Variants in FRMD5 observed in about 807,000 individuals in gnomAD.
FRMD5 encodes the protein FERM domain-containing protein 5.
A neutral mutation model predicts 69.0 loss-of-function variants in FRMD5; 20 were observed. The ratio of observed to expected loss-of-function variants is 0.29; its 90% CI spans 0.20 to 0.42. FRMD5 has a LOEUF of 0.42. Among genes scored for constraint, FRMD5 ranks in the 10% least tolerant of loss-of-function variants. The pLI, the probability that FRMD5 is intolerant of heterozygous loss-of-function variation, is 1.00. For synonymous variants in FRMD5, 271 were observed against 260.1 expected, an observed-to-expected ratio of 1.04 and a Z score of -0.40; for missense variants, 595 against 708.6, an observed-to-expected ratio of 0.84 and a Z score of 1.82.
At chr15:44,147,242 G>A (rs1238811169) in intron 1 of FRMD5, among the ~76,000 whole-genome samples, 1 of 152,114 alleles carries the variant, frequency 6.6e-6, no homozygotes, top group Non-Finnish European at 1.5e-5. Context: ...TTATTAAATA[G>A]GGAATCCTTT....
chr15:43,897,415 AGGC>A (rs2088937532), intron 7 of FRMD5, among the ~76,000 whole-genome samples: 1 of 138,890 alleles, frequency 7.2e-6, no homozygotes, highest in Non-Finnish European at 1.5e-5. Flanking sequence ...TGAACCCGGG[AGGC>A]AGAGGTTGCA....
chr15:44,091,343 T>C (rs1231944906), intron 1 of FRMD5, among the ~76,000 whole-genome samples: 2 of 152,072 alleles, frequency 1.3e-5, no homozygotes, highest in Non-Finnish European at 2.9e-5. Context: ...TATATATAGA[T>C]ATATATGCAC....
chr15:44,125,400 T>A (rs1173848125), intron 1 of FRMD5, among the ~76,000 whole-genome samples: 2 of 152,220 alleles, frequency 1.3e-5, no homozygotes, highest in Admixed American at 1.3e-4. Flanking sequence ...CATGGCTGAT[T>A]TTCAGAGCCA....
At chr15:44,018,887 T>C (rs1891085937) in intron 1 of FRMD5, among the ~76,000 whole-genome samples, 1 of 151,926 alleles carries the variant, frequency 6.6e-6, no homozygotes, top group Admixed American at 6.6e-5. Context: ...GATGTGGGTA[T>C]ACATTTCTTT....
intron 1 of FRMD5, among the ~76,000 whole-genome samples, chr15:44,035,905 T>C (rs1381892183): frequency 6.6e-6 from 1 of 152,204 alleles, no homozygotes; most frequent in Non-Finnish European, 1.5e-5. Context: ...TATTTTGTCC[T>C]GAAGCCAACT....
At chr15:44,112,559 C>T (rs985805631) in intron 1 of FRMD5, among the ~76,000 whole-genome samples, 4 of 151,978 alleles carry the variant, frequency 2.6e-5, no homozygotes, top group Non-Finnish European at 5.9e-5. Flanking sequence ...CTCCACCTCC[C>T]GGGTTCATGC....
At chr15:44,156,103 G>A (rs1179128423) in intron 1 of FRMD5, among the ~76,000 whole-genome samples, 2 of 152,086 alleles carry the variant, frequency 1.3e-5, no homozygotes, top group Non-Finnish European at 2.9e-5. Flanking sequence ...AGTGAACTGA[G>A]GTCAGTCAAC....
chr15:43,918,203 G>C (rs1039898689), intron 4 of FRMD5, among the ~76,000 whole-genome samples: 3 of 152,060 alleles, frequency 2.0e-5, no homozygotes, highest in African/African-American at 7.2e-5. Context: ...AGGCAGGCGG[G>C]TCACGAGCTC....
chr15:43,950,745 C>T (rs1243229915), intron 1 of FRMD5, among the ~76,000 whole-genome samples: 2 of 152,188 alleles, frequency 1.3e-5, no homozygotes, highest in African/African-American at 4.8e-5. Context: ...CCAGCGACAG[C>T]AAACCCCAGA....
chr15:43,985,280 C>CAAAAAAA (rs34455065), intron 1 of FRMD5, among the ~76,000 whole-genome samples: 1 of 77,240 alleles, frequency 1.3e-5, no homozygotes. Context: ...GACTCCGTCT[C>CAAAAAAA]AAAAAAAAAA....
Position 44,158,553 on chromosome 15 carries a change from T to C in FRMD5, c.102+36400A>G, listed in dbSNP as rs566084007. 2.8e-4 allele frequency among the ~76,000 whole-genome samples: 42 copies of C among 152,324 alleles called. No individual in the cohort carries two copies. In the East Asian group the frequency reaches 4.4e-3, roughly 16 times the overall value. ...ACTCTTCCTAATATTTGTCACCTTA[T>C]CCTAATTACTGTATACTCATGACCC... On this transcript the variant is annotated intron_variant, in intron 1 of 13. Transcript: ENST00000417257.
At chr15:44,085,226 A>G (rs1485846267) in intron 1 of FRMD5, among the ~76,000 whole-genome samples, 4 of 152,302 alleles carry the variant, frequency 2.6e-5, no homozygotes, top group Non-Finnish European at 5.9e-5. Flanking sequence ...TCTAGAGCCT[A>G]GGAATATAAA....
chr15:44,052,795 G>C (rs1389159747), intron 1 of FRMD5, among the ~76,000 whole-genome samples: 1 of 151,970 alleles, frequency 6.6e-6, no homozygotes, highest in East Asian at 1.9e-4. Context: ...AGCCAGAAAG[G>C]GCCTTAGAGA....
intron 1 of FRMD5, among the ~76,000 whole-genome samples, chr15:43,964,073 A>C (rs1421784484): frequency 6.6e-6 from 1 of 152,084 alleles, no homozygotes; most frequent in Admixed American, 6.6e-5. Flanking sequence ...AATAAAAAGA[A>C]TATCACTAGA....
chr15:43,919,910 G>A, intron 2 of FRMD5, 101 bp from the exon 3 acceptor site: 1 of 1,077,998 alleles, frequency 9.3e-7, no homozygotes, highest in Middle Eastern at 2.2e-4. Flanking sequence ...GTAGCCTAGG[G>A]TGAAAGCAGC....
chr15:44,032,070 T>C (rs1039807854), intron 1 of FRMD5, among the ~76,000 whole-genome samples: 2 of 152,096 alleles, frequency 1.3e-5, no homozygotes, highest in Non-Finnish European at 2.9e-5. Context: ...CATCTGATCT[T>C]CAACAAAGCT....
At chr15:44,054,843 G>A (rs371997389) in intron 1 of FRMD5, among the ~76,000 whole-genome samples, 9 of 151,970 alleles carry the variant, frequency 5.9e-5, no homozygotes, top group East Asian at 5.8e-4. Flanking sequence ...AGGCCGAGGC[G>A]GGCACATCAC....
intron 1 of FRMD5, among the ~76,000 whole-genome samples, chr15:44,173,865 T>C (rs1321455388): frequency 6.6e-6 from 1 of 152,168 alleles, no homozygotes. Context: ...AGATGATTAT[T>C]AGTAATAAAA....
At chr15:43,998,776 T>G (rs1204828700) in intron 1 of FRMD5, among the ~76,000 whole-genome samples, 2 of 152,186 alleles carry the variant, frequency 1.3e-5, no homozygotes, top group Admixed American at 1.3e-4. Flanking sequence ...GATGGCTGAT[T>G]TCACATCAGG....
Sources: gnomAD v4.1 joint callset for allele counts (sites outside exome capture counted in the v4.1 genomes callset) on GRCh38, gnomAD v4.1.1 for gene constraint, MANE v1.5 for transcripts, NCBI Gene and HGNC (gene_info 2026-07-23, HGNC 2026-07-21) for gene names.